Variants in SLC14A2 observed in about 807,000 individuals in gnomAD.
SLC14A2 encodes the protein solute carrier family 14 member 2.
SLC14A2 carries 91 observed loss-of-function variants against 104.6 expected under a neutral mutation model. The observed-to-expected ratio is 0.87, with a 90% CI of 0.73 to 1.04. The LOEUF is 1.04. SLC14A2 is among the 50% of genes least tolerant of loss of function. The pLI is 0.00. For missense variants in SLC14A2, 1,189 were observed against 1,156.0 expected (o/e 1.03, Z -0.41); for synonymous variants, 476 against 466.4 (o/e 1.02, Z -0.27).
At chr18:45,612,053 G>A (rs1189102225), upstream of SLC14A2, among the ~76,000 whole-genome samples, 16 of 152,212 alleles carry the variant, frequency 1.1e-4, no homozygotes, top group East Asian at 1.5e-3. Flanking sequence ...GGAAATTGCC[G>A]ATAAGGGGCT....
intron 2 of SLC14A2, among the ~76,000 whole-genome samples, chr18:45,606,858 C>A (rs906547192): frequency 1.3e-5 from 2 of 151,752 alleles, no homozygotes; most frequent in Non-Finnish European, 2.9e-5. Context: ...GAGGACTGAG[C>A]AAGCCAGGCT....
chr18:45,465,207 TCA>T (rs1421938367), intron 1 of SLC14A2, among the ~76,000 whole-genome samples: 1 of 152,154 alleles, frequency 6.6e-6, no homozygotes, highest in Non-Finnish European at 1.5e-5. Flanking sequence ...ACTATCTCTG[TCA>T]CAGTGTCATC....
intron 1 of SLC14A2, among the ~76,000 whole-genome samples, chr18:45,216,618 A>G (rs541289126): frequency 6.6e-6 from 1 of 152,222 alleles, no homozygotes; most frequent in South Asian, 2.1e-4. Flanking sequence ...TCTGCGGTAT[A>G]TGGGAACTCA....
intron 4 of SLC14A2, among the ~76,000 whole-genome samples, chr18:45,631,046 T>G (rs1301902973): frequency 6.6e-6 from 1 of 152,208 alleles, no homozygotes; most frequent in Non-Finnish European, 1.5e-5. Flanking sequence ...CCTGCTGGGT[T>G]GGAGCCCTCC....
rs747938849 is a variant in SLC14A2, at chr18:45,682,369, C to T, written c.2613C>T (p.Phe871=). ...CCTTCTGTCTCTCAGCTCTCACCTT[C>T]CTGCTCCTGACGACCAATAACCCCG... ...TWPFCLSALT[F]LLLTTNNPAI... The change falls in exon 20 of 20, where the codon TTC becomes TTT. Residue 871 remains phenylalanine (F), a synonymous_variant. Coordinates refer to ENST00000255226, the MANE Select transcript of SLC14A2 (RefSeq NM_007163.4). 2.5e-6 allele frequency: 4 copies of T among 1,614,072 alleles called. No individual in the cohort carries two copies. In the African/African-American group the frequency reaches 4.0e-5, roughly 16 times the overall value.
At chr18:45,321,492 T>A (rs1164769074) in intron 1 of SLC14A2, among the ~76,000 whole-genome samples, 1 of 152,200 alleles carries the variant, frequency 6.6e-6, no homozygotes, top group Non-Finnish European at 1.5e-5. Context: ...TGTGGGAAAC[T>A]GTAGTCACTG....
intron 2 of SLC14A2, among the ~76,000 whole-genome samples, chr18:45,561,096 G>A (rs1179028245): frequency 6.6e-6 from 1 of 152,162 alleles, no homozygotes; most frequent in Non-Finnish European, 1.5e-5. Context: ...GGACTGGAGG[G>A]AGGATATGAG....
intron 18 of SLC14A2, among the ~76,000 whole-genome samples, chr18:45,675,710 T>TATATA (rs1555639293): frequency 5.3e-3 from 243 of 46,146 alleles, no homozygotes; most frequent in Middle Eastern, 0.016. Context: ...TATATATATA[T>TATATA]TTTTTTTTTT....
At chr18:45,668,046 C>G (rs2046060081) in intron 14 of SLC14A2, 24 bp downstream of exon 14, 1 of 1,607,450 alleles carries the variant, frequency 6.2e-7, no homozygotes, top group Non-Finnish European at 8.5e-7. Context: ...GCTCAGGGTC[C>G]AAACATGTAG....
intron 2 of SLC14A2, among the ~76,000 whole-genome samples, chr18:45,510,800 C>A (rs189259270): frequency 2.6e-5 from 4 of 152,322 alleles, no homozygotes; most frequent in South Asian, 2.1e-4. Flanking sequence ...AGCAGAGCAG[C>A]ATTTCCAGCT....
rs1021711874 is a variant in SLC14A2 at position 45,391,433 on chromosome 18, A to T, written c.-124-91800A>T. ...CAGCATGATTTATAATCCTTTGGGT[A>T]TATACCCAGTAATGGGATGGCTGGG... On this transcript the variant is annotated intron_variant, in intron 1 of 20. Coordinates refer to the SLC14A2 transcript ENST00000586448. Among the ~76,000 whole-genome samples the T allele has an allele frequency of 3.9e-5, 6 of 152,312 alleles. 1 individual carries two copies. The highest frequency in any genetic ancestry group is 1.2e-4 in the African/African-American group (5 of 41,552).
chr18:45,275,256 C>G lies in SLC14A2; in HGVS notation c.-125+62065C>G, dbSNP rs2084690574. On this transcript the variant is annotated intron_variant, in intron 1 of 20. Transcript: ENST00000586448. ...GAACAAATACTTCAAAATTTTCTTACAGGGTTTTGAAAAACTATATCTCCA... is the reference window on the plus strand; with the variant it reads ...GAACAAATACTTCAAAATTTTCTTAGAGGGTTTTGAAAAACTATATCTCCA... Among the ~76,000 whole-genome samples, 3 of 152,120 alleles carry G rather than the reference C, an allele frequency of 2.0e-5. No homozygotes were observed. In the South Asian group the frequency reaches 6.2e-4, roughly 32 times the overall value.
At chr18:45,178,304 T>C in the SLC14A2 span, among the ~76,000 whole-genome samples, 1 of 152,090 alleles carries the variant, frequency 6.6e-6, no homozygotes, top group Non-Finnish European at 1.5e-5. Context: ...GAATTCAGTC[T>C]ACATAAAAGA....
At chr18:45,619,252 G>A (rs1172022735) in intron 1 of SLC14A2, among the ~76,000 whole-genome samples, 2 of 152,258 alleles carry the variant, frequency 1.3e-5, no homozygotes, top group Non-Finnish European at 2.9e-5. Context: ...CCCCAGGGCT[G>A]GGAGGGCAGG....
chr18:45,235,648 C>G (rs1054587684), intron 1 of SLC14A2, among the ~76,000 whole-genome samples: 3 of 151,400 alleles, frequency 2.0e-5, no homozygotes, highest in African/African-American at 7.3e-5. Context: ...TGTTTGGTCC[C>G]CATTGTATGA....
chr18:45,442,507 G>T (rs1293085923), intron 1 of SLC14A2, among the ~76,000 whole-genome samples: 1 of 152,048 alleles, frequency 6.6e-6, no homozygotes, highest in Non-Finnish European at 1.5e-5. Context: ...TTCTCCCTTT[G>T]TGTATGTCTC....
chr18:45,551,319 T>C (rs2044052362), intron 2 of SLC14A2, among the ~76,000 whole-genome samples: 1 of 152,138 alleles, frequency 6.6e-6, no homozygotes, highest in South Asian at 2.1e-4. Context: ...TAAAAATAAT[T>C]CCAACTCCCC....
At chr18:45,643,409 G>A (rs915498183) in intron 9 of SLC14A2, among the ~76,000 whole-genome samples, 1 of 152,200 alleles carries the variant, frequency 6.6e-6, no homozygotes, top group African/African-American at 2.4e-5. Context: ...AGATTGCAAT[G>A]TAACTAGCAG....
At chr18:45,519,425 C>G (rs1310556350) in intron 2 of SLC14A2, among the ~76,000 whole-genome samples, 2 of 152,124 alleles carry the variant, frequency 1.3e-5, no homozygotes, top group African/African-American at 2.4e-5. Context: ...CTTTATCTGC[C>G]CATTCACAGA....
Sources: gnomAD v4.1 joint callset for allele counts (sites outside exome capture counted in the v4.1 genomes callset) on GRCh38, gnomAD v4.1.1 for gene constraint, MANE v1.5 for transcripts, NCBI Gene and HGNC (gene_info 2026-07-23, HGNC 2026-07-21) for gene names.